FEZ2: variants seen among roughly 807,000 people sequenced by gnomAD.
FEZ2 encodes fasciculation and elongation protein zeta-2.
Under a neutral mutation model 40.4 loss-of-function variants are expected in FEZ2, and 51 were observed. That is an observed-to-expected ratio of 1.26 (90% CI 1.01 to 1.59). The LOEUF is 1.59. Among genes scored for constraint, FEZ2 ranks in the 40% most tolerant of loss-of-function variants. The probability of loss-of-function intolerance (pLI) is 0.00; values close to 1 mark genes in which losing one functional copy is unlikely to be tolerated. For synonymous variants in FEZ2, 242 were observed against 172.0 expected (o/e 1.41, Z -3.18); for missense variants, 640 against 438.3 (o/e 1.46, Z -4.11).
chr2:36,591,125 C>T, intron 1 of FEZ2, 114 bp from the exon 2 acceptor site: 1 of 692,452 alleles, frequency 1.4e-6, no homozygotes. Flanking sequence ...GAAAAACAGA[C>T]AGCACATTGT....
At chr2:36,561,803 A>C (rs1019166442) in intron 5 of FEZ2, among the ~76,000 whole-genome samples, 16 of 152,194 alleles carry the variant, frequency 1.1e-4, no homozygotes, top group African/African-American at 3.4e-4. Flanking sequence ...TAAATCAGTA[A>C]ACACATTTGA....
At chr2:36,587,351 TC>T (rs1230970364) in intron 2 of FEZ2, among the ~76,000 whole-genome samples, 1 of 152,204 alleles carries the variant, frequency 6.6e-6, no homozygotes, top group Non-Finnish European at 1.5e-5. Flanking sequence ...CATTATTCAC[TC>T]CTCCCTTCAG....
At chr2:36,570,975 A>C (rs982778662) in intron 5 of FEZ2, among the ~76,000 whole-genome samples, 26 of 152,228 alleles carry the variant, frequency 1.7e-4, no homozygotes, top group African/African-American at 6.0e-4. Flanking sequence ...TCTAACACAT[A>C]AAGAAGTCAA....
intron 5 of FEZ2, among the ~76,000 whole-genome samples, chr2:36,571,078 T>A (rs848630): frequency 0.49 from 74,794 of 152,036 alleles, 19,979 homozygotes; most frequent in East Asian, 0.85. Context: ...GAAAACAAAG[T>A]GTAGATGATA....
Position 36,571,513 on chromosome 2 carries a change from G to A in FEZ2, c.903+7084C>T, listed in dbSNP as rs185423325. On this transcript the variant is annotated intron_variant, in intron 5 of 7. Transcript: ENST00000405912. ...CCATCTCTACTAAAAAAAATTAGCC[G>A]AGTGTGCTGGCGGGCGCCGTCATCC... Among the ~76,000 whole-genome samples, 25 of 151,718 alleles carry A rather than the reference G, an allele frequency of 1.6e-4. 1 individual carries two copies. In the East Asian group the frequency reaches 4.1e-3, roughly 25 times the overall value.
chr2:36,586,025 T>G (rs895173787), intron 2 of FEZ2, among the ~76,000 whole-genome samples: 6 of 152,232 alleles, frequency 3.9e-5, no homozygotes, highest in Non-Finnish European at 8.8e-5. Context: ...CCTATAGTTC[T>G]AATTTACTTT....
chr2:36,572,200 C>A (rs578169596), intron 5 of FEZ2, among the ~76,000 whole-genome samples: 15 of 152,178 alleles, frequency 9.9e-5, no homozygotes, highest in Admixed American at 3.3e-4. Flanking sequence ...CTTTACCTAG[C>A]CACCGGGATT....
chr2:36,588,943 G>A (rs1668988372), intron 2 of FEZ2, among the ~76,000 whole-genome samples: 1 of 151,850 alleles, frequency 6.6e-6, no homozygotes, highest in Admixed American at 6.6e-5. Flanking sequence ...ACTCTTCTAT[G>A]CTATTTTTTA....
chr2:36,588,406 T>A (rs1668969248), intron 2 of FEZ2, among the ~76,000 whole-genome samples: 1 of 152,148 alleles, frequency 6.6e-6, no homozygotes, highest in South Asian at 2.1e-4. Context: ...ATCATTACCG[T>A]GGCATTGAAA....
intron 7 of FEZ2, 100 bp from the exon 8 acceptor site, chr2:36,553,279 A>G: frequency 2.2e-6 from 2 of 915,416 alleles, no homozygotes. Flanking sequence ...TTAAGTAATG[A>G]GAACTAAATG....
At chr2:36,575,299 C>G (rs535260270) in intron 5 of FEZ2, among the ~76,000 whole-genome samples, 2 of 152,256 alleles carry the variant, frequency 1.3e-5, no homozygotes, top group African/African-American at 4.8e-5. Flanking sequence ...ATCCTCTCGC[C>G]TCAGACTCCC....
Position 36,598,149 on chromosome 2 carries a change from C to G in FEZ2, c.-7G>C, listed in dbSNP as rs1287442836. 1 of 1,466,228 alleles carries G rather than the reference C, an allele frequency of 6.8e-7. No individual in the cohort carries two copies. Among genetic ancestry groups the G allele is most frequent in the Admixed American group, 2.4e-5 (1 of 41,918 alleles). 90.8% of individuals were successfully genotyped at this position (1,466,228 alleles called of 1,614,324 possible). A position where few individuals can be genotyped will look rare whatever the true frequency, so the allele number is the denominator to read the frequency against. The stretch of plus-strand genomic sequence containing the variant: ...AGTCCCCGTCCGCCGCCATCGCCGC[C>G]CGGAGCAGTCGCGCGCCCCGCCCAG... On this transcript the variant is annotated 5_prime_UTR_variant, in exon 1 of 8. Transcript: ENST00000405912.
chr2:36,583,362 C>A lies in FEZ2; in HGVS notation c.483G>T (p.Thr161=), dbSNP rs768868471. Residue 161 remains threonine (T), a synonymous_variant, in exon 3 of 8, where the codon ACG becomes ACT. Coordinates refer to ENST00000405912, the MANE Select transcript of FEZ2 (RefSeq NM_005102.3). ...AGGATCTCCTCTATACCTGGTCTGC[C>A]GTGAAGAGGGGTTCATCATTAACAC... ...VSCVNDEPLF[T]ADQVIEEIEE... The A allele has an allele frequency of 2.6e-6, 4 of 1,559,684 alleles. No homozygotes were observed. The African/African-American group carries it at 5.4e-5, about 21-fold the overall frequency.
chr2:36,566,133 G>C lies in FEZ2; in HGVS notation c.904-7620C>G, dbSNP rs138301555. Reference sequence around the variant, plus strand: ...ATAGTAGTATAAGAAAAGTTCAGGAGATGGAGACCATCCTGGCTAACACAG... The same window carrying C: ...ATAGTAGTATAAGAAAAGTTCAGGACATGGAGACCATCCTGGCTAACACAG... On this transcript the variant is annotated intron_variant, in intron 5 of 7. Coordinates refer to ENST00000405912, the MANE Select transcript of FEZ2 (RefSeq NM_005102.3). Among the ~76,000 whole-genome samples, 120 of 152,270 alleles carry C rather than the reference G, an allele frequency of 7.9e-4. 1 individual carries two copies. The East Asian group carries it at 0.02, about 25-fold the overall frequency.
intron 5 of FEZ2, among the ~76,000 whole-genome samples, chr2:36,564,563 T>A (rs1378536299): frequency 6.6e-6 from 1 of 152,040 alleles, no homozygotes; most frequent in Non-Finnish European, 1.5e-5. Flanking sequence ...TGCAGATAAC[T>A]AACACATGCC....
chr2:36,593,610 G>A (rs947048758), intron 1 of FEZ2, among the ~76,000 whole-genome samples: 1 of 152,062 alleles, frequency 6.6e-6, no homozygotes, highest in Non-Finnish European at 1.5e-5. Flanking sequence ...AGCTGGAGCA[G>A]CTGGTACACA....
intron 2 of FEZ2, among the ~76,000 whole-genome samples, chr2:36,589,288 G>A (rs1668999745): frequency 6.6e-6 from 1 of 152,172 alleles, no homozygotes; most frequent in South Asian, 2.1e-4. Context: ...GAGACAGCAA[G>A]GCTAAACCCC....
At chr2:36,578,003 G>C (rs563562768) in intron 5 of FEZ2, among the ~76,000 whole-genome samples, 5 of 152,272 alleles carry the variant, frequency 3.3e-5, no homozygotes, top group African/African-American at 9.6e-5. Flanking sequence ...CTTATCAAAG[G>C]GTCAGCGTTT....
At chr2:36,570,821 T>C (rs1046619867) in intron 5 of FEZ2, among the ~76,000 whole-genome samples, 1 of 152,230 alleles carries the variant, frequency 6.6e-6, no homozygotes, top group Admixed American at 6.5e-5. Flanking sequence ...TACAGCATTA[T>C]AATCCTGACT....
Sources: gnomAD v4.1 joint callset for allele counts (sites outside exome capture counted in the v4.1 genomes callset) on GRCh38, gnomAD v4.1.1 for gene constraint, MANE v1.5 for transcripts, NCBI Gene and HGNC (gene_info 2026-07-23, HGNC 2026-07-21) for gene names.